Variants in SEMA5B observed in about 807,000 individuals in gnomAD.
The protein encoded by SEMA5B is semaphorin-5B.
A neutral mutation model predicts 135.0 loss-of-function variants in SEMA5B; 66 were observed. The ratio of observed to expected loss-of-function variants is 0.49; its 90% CI spans 0.40 to 0.60. The LOEUF (loss-of-function observed/expected upper bound fraction) is 0.60. SEMA5B is among the 20% of genes least tolerant of loss of function. The probability of loss-of-function intolerance (pLI) is 0.00; values close to 1 mark genes in which losing one functional copy is unlikely to be tolerated. For synonymous variants in SEMA5B, 690 were observed against 639.5 expected (o/e 1.08, Z -1.19); for missense variants, 1,501 against 1,566.3 (o/e 0.96, Z 0.70).
At chr3:123,003,438 TA>T (rs78222078) in intron 1 of SEMA5B, among the ~76,000 whole-genome samples, 10,573 of 147,572 alleles carry the variant, frequency 0.072, 428 homozygotes, top group East Asian at 0.16. Context: ...ACTTTAGAGA[TA>T]AAAAAAAAAA....
intron 20 of SEMA5B, 82 bp from the exon 21 acceptor site, chr3:122,911,617 G>T: frequency 7.1e-7 from 1 of 1,417,342 alleles, no homozygotes; most frequent in Non-Finnish European, 9.6e-7. Flanking sequence ...AGCCTGGGAG[G>T]ACCTCTAGGT....
At chr3:122,945,795 G>A (rs1024610459) in intron 3 of SEMA5B, among the ~76,000 whole-genome samples, 7 of 143,996 alleles carry the variant, frequency 4.9e-5, no homozygotes, top group Non-Finnish European at 1.5e-5. Flanking sequence ...GGGAAAAGAA[G>A]AGGAAACAGG....
At position 122,912,314 on chromosome 3, in the gene SEMA5B, T is replaced by C. The variant is rs768136665; in HGVS notation, c.2754A>G (p.Ser918=). The change falls in exon 19 of 23, where the codon TCA becomes TCG. Residue 918 remains serine (S), a synonymous_variant. Transcript: ENST00000357599. The part of the protein sequence containing the change: ...PVRGAWSCWT[S]WSPCSASCGG... Reference sequence around the variant, plus strand: ...CACAGGAAGCTGAGCATGGAGACCATGAGGTCCAGCAGGACCAAGCACCCC... The same window carrying C: ...CACAGGAAGCTGAGCATGGAGACCACGAGGTCCAGCAGGACCAAGCACCCC... 1.2e-6 allele frequency: 2 copies of C among 1,608,970 alleles called. No homozygotes were observed. Among genetic ancestry groups the C allele is most frequent in the East Asian group, 2.2e-5 (1 of 44,684 alleles).
chr3:123,009,395 G>C (rs1942386085), intron 1 of SEMA5B, among the ~76,000 whole-genome samples: 1 of 151,860 alleles, frequency 6.6e-6, no homozygotes, highest in African/African-American at 2.4e-5. Context: ...GATGAGGGAG[G>C]GTCCTGTGAA....
intron 12 of SEMA5B, among the ~76,000 whole-genome samples, chr3:122,919,429 C>A (rs1307174707): frequency 6.6e-6 from 1 of 152,128 alleles, no homozygotes; most frequent in Non-Finnish European, 1.5e-5. Flanking sequence ...CTTGGAGGTG[C>A]CCCGTGGGGC....
At chr3:122,935,240 T>C (rs930447957) in intron 5 of SEMA5B, among the ~76,000 whole-genome samples, 3 of 152,094 alleles carry the variant, frequency 2.0e-5, no homozygotes, top group African/African-American at 7.2e-5. Flanking sequence ...TATGTCATAT[T>C]CTAAAAGTCT....
intron 1 of SEMA5B, among the ~76,000 whole-genome samples, chr3:123,012,343 A>G (rs2107798123): frequency 6.6e-6 from 1 of 152,170 alleles, no homozygotes; most frequent in Non-Finnish European, 1.5e-5. Flanking sequence ...ATGTTCTCCC[A>G]ATCCCTACCA....
intron 2 of SEMA5B, among the ~76,000 whole-genome samples, chr3:122,958,766 GA>G (rs1940447536): frequency 6.6e-6 from 1 of 152,090 alleles, no homozygotes. Context: ...TCTATGGGGG[GA>G]GGGTATGGGG....
chr3:122,942,715 G>A (rs1345271018), intron 4 of SEMA5B, among the ~76,000 whole-genome samples: 1 of 152,196 alleles, frequency 6.6e-6, no homozygotes, highest in Non-Finnish European at 1.5e-5. Flanking sequence ...CTAAAACACA[G>A]GTTGCCTCTT....
intron 9 of SEMA5B, among the ~76,000 whole-genome samples, chr3:122,925,224 A>T (rs1029741962): frequency 3.9e-4 from 60 of 152,124 alleles, no homozygotes; most frequent in African/African-American, 1.3e-3. Flanking sequence ...CACACTGTGC[A>T]GCCAGTGCCT....
chr3:123,015,968 T>C (rs953278937), intron 1 of SEMA5B, among the ~76,000 whole-genome samples: 2 of 152,204 alleles, frequency 1.3e-5, no homozygotes, highest in African/African-American at 4.8e-5. Flanking sequence ...TTAAACTGTG[T>C]GCTGACACAG....
intron 3 of SEMA5B, among the ~76,000 whole-genome samples, chr3:122,944,772 C>T (rs1265959343): frequency 6.6e-6 from 1 of 152,220 alleles, no homozygotes; most frequent in Non-Finnish European, 1.5e-5. Context: ...CTGCTGGAGA[C>T]ACACTTCTCC....
chr3:123,026,850 C>A (rs1340127517), intron 1 of SEMA5B, among the ~76,000 whole-genome samples: 1 of 152,248 alleles, frequency 6.6e-6, no homozygotes, highest in African/African-American at 2.4e-5. Flanking sequence ...GGGCCCTGAG[C>A]CACTGCCCCT....
In SEMA5B at chr3:123,008,265, T is replaced by G. The variant is rs187220645; in HGVS notation, c.-39+19199A>C. Among the ~76,000 whole-genome samples, 301 of 152,344 alleles carry G rather than the reference T, an allele frequency of 2.0e-3. 1 individual carries two copies. The highest frequency in any genetic ancestry group is 6.8e-3 in the African/African-American group (284 of 41,570). On this transcript the variant is annotated intron_variant, in intron 1 of 22. Transcript: ENST00000357599. ...ACATCTAGCTTCATAAGGTCTGGCC[T>G]CTAATCAATAATAAACTGAGAATCG...
Position 122,948,686 on chromosome 3 carries a change from C to G in SEMA5B, c.148G>C (p.Gly50Arg). The G allele has an allele frequency of 6.2e-7, 1 of 1,606,140 alleles. No individual in the cohort carries two copies. Among genetic ancestry groups the G allele is most frequent in the Non-Finnish European group, 8.5e-7 (1 of 1,174,298 alleles). The change falls in exon 3 of 23, where the codon GGA becomes CGA. Residue 50 changes from glycine to arginine, a missense_variant. Gly to Arg is a moderately radical substitution (Grantham distance 125). This residue lies in a region of SEMA5B where 574 missense variants were observed against 684.7 expected (regional missense o/e 0.84). Transcript: ENST00000357599. Reference protein sequence around the residue: ...VRGLLPCLPPGARTAEGPIMV... With the variant: ...VRGLLPCLPPRARTAEGPIMV... Reference sequence around the variant, plus strand: ...ATAGGCCCCTCTGCAGTCCTAGCTCCGGGAGGCAGACAGGGGAGAAGACCT... The same window carrying G: ...ATAGGCCCCTCTGCAGTCCTAGCTCGGGGAGGCAGACAGGGGAGAAGACCT...
intron 1 of SEMA5B, among the ~76,000 whole-genome samples, chr3:123,022,061 G>T (rs752367892): frequency 6.6e-6 from 1 of 152,152 alleles, no homozygotes; most frequent in African/African-American, 2.4e-5. Context: ...AGAAGCGACT[G>T]CAATATCCAT....
chr3:123,017,230 A>C (rs1250703100), intron 1 of SEMA5B, among the ~76,000 whole-genome samples: 2 of 152,096 alleles, frequency 1.3e-5, no homozygotes, highest in Non-Finnish European at 2.9e-5. Context: ...AGTTTGGTTG[A>C]ATCCTCACAT....
intron 5 of SEMA5B, 114 bp downstream of exon 5, chr3:122,939,311 G>T: frequency 1.2e-6 from 1 of 809,290 alleles, no homozygotes; most frequent in Non-Finnish European, 2.1e-6. Flanking sequence ...AGAACAAGTG[G>T]CTCCTGTTTT....
chr3:122,978,257 C>T (rs1295151875), intron 1 of SEMA5B, among the ~76,000 whole-genome samples: 1 of 152,222 alleles, frequency 6.6e-6, no homozygotes, highest in Non-Finnish European at 1.5e-5. Context: ...TGGACGTGCT[C>T]GGCCTCTCAT....
Sources: gnomAD v4.1 joint callset for allele counts (sites outside exome capture counted in the v4.1 genomes callset) on GRCh38, gnomAD v4.1.1 for gene constraint, gnomAD v4.1.1 regional missense constraint, MANE v1.5 for transcripts, NCBI Gene and HGNC (gene_info 2026-07-23, HGNC 2026-07-21) for gene names.